The following EPHA5 variants were observed in gnomAD, a reference collection of about 807,000 sequenced individuals.
EPHA5 encodes the protein ephrin type-A receptor 5.
In EPHA5, 60 loss-of-function variants were observed where a neutral mutation model predicts 105.0. The ratio of observed to expected loss-of-function variants is 0.57; its 90% CI spans 0.46 to 0.71. EPHA5 has a LOEUF of 0.71. Among genes scored for constraint, EPHA5 ranks in the 30% least tolerant of loss-of-function variants. The pLI is 0.00. For missense variants in EPHA5, 1,218 were observed against 1,274.7 expected, an observed-to-expected ratio of 0.96 and a Z score of 0.68; for synonymous variants, 513 against 449.1, an observed-to-expected ratio of 1.14 and a Z score of -1.80.
Position 65,321,087 on chromosome 4 carries a change from A to G in EPHA5, c.*3027T>C, listed in dbSNP as rs1349831027. The G allele has an allele frequency of 8.7e-6, 2 of 230,620 alleles. No homozygotes were observed. The highest frequency in any genetic ancestry group is 1.7e-5 in the Non-Finnish European group (2 of 116,416). 14.3% of individuals were successfully genotyped at this position (230,620 alleles called of 1,614,324 possible). On this transcript the variant is annotated 3_prime_UTR_variant, in exon 17 of 17. Transcript: ENST00000613740. ...ATTAGAAACAAATTATGATAGGTCA[A>G]AGTAGTAATTGAGTGACTTCAAGTA...
chr4:65,669,586 G>GGGTC lies in EPHA5; in HGVS notation c.153_156dup (p.Leu53AspfsTer37). On this transcript the variant is annotated frameshift_variant, in exon 1 of 17. Transcript: ENST00000613740. LOFTEE classifies it high-confidence loss of function. ...CCTTCGTTGCTGGGGCTGGCCAGGA[G>GGGTC]GGTCCGGAGTGCGGCGCACAGGAGA... 7.0e-7 allele frequency: 1 copy of GGGTC among 1,429,638 alleles called. No individual in the cohort carries two copies. Among genetic ancestry groups the GGGTC allele is most frequent in the Non-Finnish European group, 9.2e-7 (1 of 1,086,926 alleles). The allele number at this position is 1,429,638 out of a possible 1,614,324, so 88.6% of individuals were successfully genotyped here. A position where few individuals can be genotyped will look rare whatever the true frequency, so the allele number is the denominator to read the frequency against.
chr4:65,502,789 G>A (rs1732625367), intron 3 of EPHA5, among the ~76,000 whole-genome samples: 1 of 151,710 alleles, frequency 6.6e-6, no homozygotes, highest in Admixed American at 6.6e-5. Flanking sequence ...AAAGATATAT[G>A]TGTTCATATG....
chr4:65,464,027 G>T (rs1412301908), intron 5 of EPHA5, among the ~76,000 whole-genome samples: 1 of 151,596 alleles, frequency 6.6e-6, no homozygotes, highest in Non-Finnish European at 1.5e-5. Context: ...TAAATATTAA[G>T]ACTACAACAA....
intron 8 of EPHA5, among the ~76,000 whole-genome samples, chr4:65,400,442 T>C (rs917351035): frequency 1.3e-5 from 2 of 152,116 alleles, no homozygotes; most frequent in African/African-American, 4.8e-5. Flanking sequence ...ATAGATTACT[T>C]AACACATTTA....
chr4:65,389,529 A>G (rs988236457), intron 8 of EPHA5, among the ~76,000 whole-genome samples: 5 of 152,088 alleles, frequency 3.3e-5, no homozygotes, highest in African/African-American at 4.8e-5. Context: ...ATTGAATTAA[A>G]TGATTAAATA....
intron 7 of EPHA5, among the ~76,000 whole-genome samples, chr4:65,407,053 A>C (rs1722430816): frequency 6.6e-6 from 1 of 152,102 alleles, no homozygotes; most frequent in Non-Finnish European, 1.5e-5. Flanking sequence ...AAATGGTGGA[A>C]TATGGTTCAT....
intron 3 of EPHA5, among the ~76,000 whole-genome samples, chr4:65,511,424 T>G (rs1046142029): frequency 6.6e-6 from 1 of 152,116 alleles, no homozygotes; most frequent in Admixed American, 6.6e-5. Context: ...TGATGATGAG[T>G]TTTTTTATCT....
chr4:65,575,502 C>A (rs188388690), intron 3 of EPHA5, among the ~76,000 whole-genome samples: 1 of 152,170 alleles, frequency 6.6e-6, no homozygotes, highest in African/African-American at 2.4e-5. Flanking sequence ...AGAGATGGAA[C>A]CATTAGAGTG....
chr4:65,396,294 T>C (rs1721229205), intron 8 of EPHA5, among the ~76,000 whole-genome samples: 1 of 152,234 alleles, frequency 6.6e-6, no homozygotes, highest in Admixed American at 6.5e-5. Context: ...TCTACAGGAC[T>C]TAAGGCTAAT....
chr4:65,643,295 C>T (rs1747826867), intron 2 of EPHA5, 68 bp downstream of exon 2: 2 of 1,240,744 alleles, frequency 1.6e-6, no homozygotes, highest in South Asian at 2.4e-5. Flanking sequence ...ATATTCATTC[C>T]TGTGTTACAA....
intron 14 of EPHA5, among the ~76,000 whole-genome samples, chr4:65,345,496 C>T (rs1722127231): frequency 3.3e-5 from 5 of 152,254 alleles, no homozygotes; most frequent in Admixed American, 2.0e-4. Context: ...ACTGCTAGTG[C>T]ATCCAATAAG....
At chr4:65,369,224 A>G (rs986084215) in intron 8 of EPHA5, among the ~76,000 whole-genome samples, 1 of 152,202 alleles carries the variant, frequency 6.6e-6, no homozygotes, top group Admixed American at 6.5e-5. Flanking sequence ...CTACACAATG[A>G]CAGGTGTTTG....
intron 2 of EPHA5, among the ~76,000 whole-genome samples, chr4:65,617,810 A>T (rs1284214589): frequency 6.6e-6 from 1 of 152,118 alleles, no homozygotes; most frequent in Admixed American, 6.6e-5. Flanking sequence ...AATCACTGTG[A>T]ATTTCATTTA....
intron 3 of EPHA5, among the ~76,000 whole-genome samples, chr4:65,563,117 T>C (rs910691212): frequency 2.0e-5 from 3 of 152,052 alleles, no homozygotes; most frequent in African/African-American, 7.2e-5. Flanking sequence ...TTTCTCACTA[T>C]TTTCACCCTC....
chr4:65,379,688 G>A (rs139068075), intron 8 of EPHA5, among the ~76,000 whole-genome samples: 4 of 151,418 alleles, frequency 2.6e-5, no homozygotes, highest in African/African-American at 9.7e-5. Context: ...TTATCTCAGA[G>A]TAATTTATAT....
chr4:65,490,058 T>C (rs1315514464), intron 5 of EPHA5, among the ~76,000 whole-genome samples: 2 of 152,182 alleles, frequency 1.3e-5, no homozygotes, highest in African/African-American at 2.4e-5. Flanking sequence ...ATTTGAGTTG[T>C]AAAAATGAAT....
At chr4:65,526,814 T>C (rs1735278662) in intron 3 of EPHA5, among the ~76,000 whole-genome samples, 1 of 152,028 alleles carries the variant, frequency 6.6e-6, no homozygotes. Flanking sequence ...CTTAGAAAAC[T>C]GCAGCATCTC....
intron 5 of EPHA5, among the ~76,000 whole-genome samples, chr4:65,436,975 A>G (rs1390751350): frequency 6.6e-6 from 1 of 152,040 alleles, no homozygotes. Flanking sequence ...TCCTCTTTCT[A>G]TAGCATTCAC....
At chr4:65,626,154 A>G (rs1214873514) in intron 2 of EPHA5, among the ~76,000 whole-genome samples, 2 of 152,030 alleles carry the variant, frequency 1.3e-5, no homozygotes, top group African/African-American at 4.8e-5. Context: ...TATCACATAT[A>G]GCTAAGTCAC....
Sources: allele counts gnomAD v4.1 joint callset (sites outside exome capture counted in the v4.1 genomes callset), GRCh38; gene constraint gnomAD v4.1.1; transcripts MANE v1.5; gene names NCBI Gene and HGNC (gene_info 2026-07-23, HGNC 2026-07-21).